Variants in FHIT observed in about 807,000 individuals in gnomAD.
FHIT encodes the protein bis(5'-adenosyl)-triphosphatase.
FHIT carries 19 observed loss-of-function variants against 17.9 expected under a neutral mutation model. That is an observed-to-expected ratio of 1.06 (90% CI 0.74 to 1.56). The LOEUF is 1.56. Among genes scored for constraint, FHIT ranks in the 40% most tolerant of loss-of-function variants. FHIT has a pLI of 0.00. For missense variants in FHIT, 248 were observed against 189.2 expected, an observed-to-expected ratio of 1.31 and a Z score of -1.82; for synonymous variants, 81 against 69.7, an observed-to-expected ratio of 1.16 and a Z score of -0.81.
intron 5 of FHIT, among the ~76,000 whole-genome samples, chr3:60,046,946 T>A (rs1251428254): frequency 1.3e-5 from 2 of 152,196 alleles, no homozygotes; most frequent in Non-Finnish European, 2.9e-5. Flanking sequence ...TTTTAGGAAA[T>A]CAAGTATATA....
rs116219306 is a variant in FHIT at position 60,787,880 on chromosome 3, T to A, written c.-18+34039A>T. On this transcript the variant is annotated intron_variant, in intron 4 of 9. Transcript: ENST00000492590. ...TTAAATGCCAGGTTGTTGGGGTGGG[T>A]TTTCTTTTGCATTTTTGTACATAAT... is the stretch of plus-strand genomic sequence containing the variant. 8.1e-3 allele frequency among the ~76,000 whole-genome samples: 1,226 copies of A among 152,248 alleles called. 17 individuals carry two copies. Among genetic ancestry groups the A allele is most frequent in the East Asian group, 0.029 (150 of 5,170 alleles).
intron 8 of FHIT, among the ~76,000 whole-genome samples, chr3:59,875,825 T>C (rs1279855245): frequency 6.6e-6 from 1 of 152,126 alleles, no homozygotes; most frequent in Non-Finnish European, 1.5e-5. Context: ...ATCATATTCA[T>C]ATGGATTCAT....
chr3:60,044,239 C>G (rs1251761432), intron 5 of FHIT, among the ~76,000 whole-genome samples: 1 of 152,124 alleles, frequency 6.6e-6, no homozygotes, highest in African/African-American at 2.4e-5. Context: ...TATAAAAGAA[C>G]AAATATATCT....
At chr3:60,335,603 T>C (rs1710197224) in intron 5 of FHIT, among the ~76,000 whole-genome samples, 1 of 152,188 alleles carries the variant, frequency 6.6e-6, no homozygotes, top group South Asian at 2.1e-4. Context: ...ATTGGGTACT[T>C]GATACAGGGT....
intron 5 of FHIT, among the ~76,000 whole-genome samples, chr3:60,485,165 G>A (rs2033782401): frequency 6.6e-6 from 1 of 152,186 alleles, no homozygotes; most frequent in Non-Finnish European, 1.5e-5. Flanking sequence ...AGATGCTGGT[G>A]AGGCTGTGGA....
At chr3:60,490,892 C>T (rs1158757279) in intron 5 of FHIT, among the ~76,000 whole-genome samples, 4 of 152,068 alleles carry the variant, frequency 2.6e-5, no homozygotes, top group Non-Finnish European at 5.9e-5. Flanking sequence ...GCACAGGTAG[C>T]CAATTTGGGC....
intron 5 of FHIT, among the ~76,000 whole-genome samples, chr3:60,339,777 C>G (rs566338022): frequency 6.6e-6 from 1 of 152,252 alleles, no homozygotes. Flanking sequence ...CTCTGGTGTT[C>G]CTGGGCACCA....
At chr3:59,818,172 A>G (rs561569287) in intron 8 of FHIT, among the ~76,000 whole-genome samples, 98 of 152,240 alleles carry the variant, frequency 6.4e-4, no homozygotes, top group African/African-American at 2.2e-3. Context: ...TCAAAGCAGA[A>G]TAACAGTCCC....
chr3:59,909,554 T>C (rs1704766741), intron 8 of FHIT, among the ~76,000 whole-genome samples: 1 of 152,156 alleles, frequency 6.6e-6, no homozygotes, highest in Non-Finnish European at 1.5e-5. Flanking sequence ...GGTCTCAAAC[T>C]CCTGACCTCA....
At chr3:60,778,809 C>T (rs1199045746) in intron 4 of FHIT, among the ~76,000 whole-genome samples, 1 of 152,154 alleles carries the variant, frequency 6.6e-6, no homozygotes. Flanking sequence ...GTATGCTTCC[C>T]TTTAAGGAGT....
intron 4 of FHIT, among the ~76,000 whole-genome samples, chr3:60,653,006 A>C (rs1238282206): frequency 6.6e-6 from 1 of 152,100 alleles, no homozygotes; most frequent in Non-Finnish European, 1.5e-5. Flanking sequence ...ACACACCCTA[A>C]ACTGAAACTC....
At chr3:60,605,925 A>G (rs1261564269) in intron 4 of FHIT, among the ~76,000 whole-genome samples, 1 of 152,178 alleles carries the variant, frequency 6.6e-6, no homozygotes, top group Non-Finnish European at 1.5e-5. Flanking sequence ...GTATATAAAA[A>G]CACTATAGTA....
At chr3:60,723,402 C>G (rs2041851825) in intron 4 of FHIT, among the ~76,000 whole-genome samples, 1 of 152,176 alleles carries the variant, frequency 6.6e-6, no homozygotes, top group Non-Finnish European at 1.5e-5. Flanking sequence ...AGAGTGGCCA[C>G]TATGCCTCAC....
intron 3 of FHIT, among the ~76,000 whole-genome samples, chr3:61,035,137 G>C (rs1445223462): frequency 6.6e-6 from 1 of 152,132 alleles, no homozygotes; most frequent in Non-Finnish European, 1.5e-5. Context: ...CAAGGGTTTG[G>C]GGAAATGAGG....
At chr3:60,988,055 A>G (rs1377409897) in intron 3 of FHIT, among the ~76,000 whole-genome samples, 1 of 152,194 alleles carries the variant, frequency 6.6e-6, no homozygotes, top group Non-Finnish European at 1.5e-5. Flanking sequence ...TCTTAGAGAG[A>G]GAGGGAATGT....
At chr3:60,601,310 T>C (rs2038439200) in intron 4 of FHIT, among the ~76,000 whole-genome samples, 1 of 152,124 alleles carries the variant, frequency 6.6e-6, no homozygotes, top group South Asian at 2.1e-4. Flanking sequence ...CCTGAAAGCC[T>C]TGTGATAAAA....
intron 5 of FHIT, among the ~76,000 whole-genome samples, chr3:60,333,463 G>C (rs1277510699): frequency 9.7e-6 from 1 of 103,122 alleles, no homozygotes; most frequent in Non-Finnish European, 1.9e-5. Context: ...GCCCTAAAAG[G>C]CATATTTGAA....
At chr3:60,292,215 T>C (rs2049848) in intron 5 of FHIT, among the ~76,000 whole-genome samples, 92,291 of 152,036 alleles carry the variant, frequency 0.61, 29,489 homozygotes, top group East Asian at 0.95. Context: ...ACCACCTTCA[T>C]CTTCAAAACA....
intron 3 of FHIT, among the ~76,000 whole-genome samples, chr3:60,890,047 T>C (rs529141790): frequency 1.3e-5 from 2 of 152,274 alleles, no homozygotes; most frequent in Admixed American, 1.3e-4. Context: ...ACATGCTTAA[T>C]ACATCAGTAA....
Sources: allele counts gnomAD v4.1 joint callset (sites outside exome capture counted in the v4.1 genomes callset), GRCh38; gene constraint gnomAD v4.1.1; transcripts MANE v1.5; gene names NCBI Gene and HGNC (gene_info 2026-07-23, HGNC 2026-07-21).